The following GRM3 variants were observed in gnomAD, a reference collection of about 807,000 sequenced individuals.
The protein encoded by GRM3 is metabotropic glutamate receptor 3.
Under a neutral mutation model 70.5 loss-of-function variants are expected in GRM3, and 26 were observed. The ratio of observed to expected loss-of-function variants is 0.37; its 90% confidence interval spans 0.27 to 0.51. The LOEUF (loss-of-function observed/expected upper bound fraction) is 0.51. Ranked by LOEUF, GRM3 falls within the 20% of genes least tolerant of loss-of-function variation. The probability of loss-of-function intolerance (pLI) is 0.93; values close to 1 mark genes in which losing one functional copy is unlikely to be tolerated. For synonymous variants in GRM3, 443 were observed against 434.9 expected (o/e 1.02, Z -0.23); for missense variants, 859 against 1,123.8 (o/e 0.76, Z 3.37).
At chr7:86,829,131 C>T (rs888032079) in intron 3 of GRM3, among the ~76,000 whole-genome samples, 3 of 152,236 alleles carry the variant, frequency 2.0e-5, no homozygotes, top group African/African-American at 7.2e-5. Context: ...GCAGTGACTT[C>T]CTCCACTGAA....
chr7:86,696,804 A>G (rs1794829307), intron 1 of GRM3, among the ~76,000 whole-genome samples: 1 of 151,930 alleles, frequency 6.6e-6, no homozygotes, highest in South Asian at 2.1e-4. Context: ...TGCTTTCCCA[A>G]CTCTGTGCTA....
chr7:86,785,418 A>T (rs1241598627), intron 2 of GRM3, among the ~76,000 whole-genome samples: 1 of 152,168 alleles, frequency 6.6e-6, no homozygotes, highest in Non-Finnish European at 1.5e-5. Flanking sequence ...TTGATAGTCA[A>T]TTATAAAAAA....
At chr7:86,862,981 T>C (rs1798988589) in intron 5 of GRM3, among the ~76,000 whole-genome samples, 1 of 152,236 alleles carries the variant, frequency 6.6e-6, no homozygotes, top group Non-Finnish European at 1.5e-5. Context: ...GACAGATGGC[T>C]GGTCAATTTG....
chr7:86,837,087 A>G (rs1420118746), intron 3 of GRM3, among the ~76,000 whole-genome samples: 1 of 152,196 alleles, frequency 6.6e-6, no homozygotes, highest in Non-Finnish European at 1.5e-5. Context: ...TAACAAGAAC[A>G]CTACAAAGAA....
At position 86,751,911 on chromosome 7, in the gene GRM3, T is replaced by A. The variant is rs113019749; in HGVS notation, c.-140-13095T>A. Among the ~76,000 whole-genome samples, 12 of 152,252 alleles carry A rather than the reference T, an allele frequency of 7.9e-5. 3 individuals are homozygous for A. Among genetic ancestry groups the A allele is most frequent in the African/African-American group, 2.6e-4 (11 of 41,580 alleles). On this transcript the variant is annotated intron_variant, in intron 1 of 5. Coordinates refer to ENST00000361669, the MANE Select transcript of GRM3 (RefSeq NM_000840.3). ...GCCCACAGTTGCAAATTCATGTCAA[T>A]ACTCCTGTGACCTATTTGTTATATA...
At chr7:86,807,157 T>G in intron 3 of GRM3, among the ~76,000 whole-genome samples, 1 of 67,776 alleles carries the variant, frequency 1.5e-5, no homozygotes, top group East Asian at 2.3e-4. Context: ...AGCCTTGTAG[T>G]ACAGTTTGAA....
chr7:86,852,243 A>C (rs1217785152), intron 5 of GRM3, among the ~76,000 whole-genome samples: 1 of 152,174 alleles, frequency 6.6e-6, no homozygotes, highest in Non-Finnish European at 1.5e-5. Flanking sequence ...AAATTGTCTC[A>C]TTGCTAGCTC....
At chr7:86,794,683 T>C (rs1276527963) in intron 3 of GRM3, among the ~76,000 whole-genome samples, 2 of 152,170 alleles carry the variant, frequency 1.3e-5, no homozygotes, top group Non-Finnish European at 2.9e-5. Context: ...GCAGGCAAGG[T>C]TAGCTAGTCA....
At chr7:86,723,025 G>A (rs1200335115) in intron 1 of GRM3, among the ~76,000 whole-genome samples, 1 of 151,892 alleles carries the variant, frequency 6.6e-6, no homozygotes, top group Non-Finnish European at 1.5e-5. Flanking sequence ...AGCCCCAAAT[G>A]ATATAAATAT....
At position 86,765,430 on chromosome 7, in the gene GRM3, T is replaced by A; in HGVS notation, c.285T>A (p.Ile95=). ...CAGGAGTGAAGTTGGGTGTTCACATTTTGGATACATGTTCAAGGGATACCT... is the reference window on the plus strand; with the variant it reads ...CAGGAGTGAAGTTGGGTGTTCACATATTGGATACATGTTCAAGGGATACCT... ...LLPGVKLGVH[I]LDTCSRDTYA... is the part of the protein sequence containing the mutation. The change falls in exon 2 of 6, where the codon ATT becomes ATA. Residue 95 remains isoleucine (I), a synonymous_variant. Transcript: ENST00000361669. The A allele has an allele frequency of 6.2e-7, 1 of 1,613,920 alleles. No homozygotes were observed. Among genetic ancestry groups the A allele is most frequent in the East Asian group, 2.2e-5 (1 of 44,856 alleles).
At chr7:86,825,800 T>G (rs1003181644) in intron 3 of GRM3, among the ~76,000 whole-genome samples, 1 of 152,226 alleles carries the variant, frequency 6.6e-6, no homozygotes, top group Non-Finnish European at 1.5e-5. Context: ...GTGATTGCAT[T>G]CTTCAGAATA....
intron 2 of GRM3, among the ~76,000 whole-genome samples, chr7:86,778,153 T>C (rs1488049951): frequency 1.3e-5 from 2 of 152,216 alleles, no homozygotes; most frequent in African/African-American, 4.8e-5. Flanking sequence ...TCAAGTCTCC[T>C]GATTACAGGG....
chr7:86,667,201 A>T (rs1474666839), intron 1 of GRM3, among the ~76,000 whole-genome samples: 1 of 152,142 alleles, frequency 6.6e-6, no homozygotes, highest in Non-Finnish European at 1.5e-5. Flanking sequence ...GTACTTGCAC[A>T]TCTGACCTAA....
In GRM3 at chr7:86,839,057, C is replaced by A. The variant is rs1361178644; in HGVS notation, c.1543C>A (p.Pro515Thr). 6.2e-7 allele frequency: 1 copy of A among 1,614,026 alleles called. No individual in the cohort carries two copies. Among genetic ancestry groups the A allele is most frequent in the African/African-American group, 1.3e-5 (1 of 75,034 alleles). Reference sequence around the variant, plus strand: ...TTCCCAGTGCAGCGACCCCTGTGCCCCCAATGAAATGAAGAATATGCAACC... The same window carrying A: ...TTCCCAGTGCAGCGACCCCTGTGCCACCAATGAAATGAAGAATATGCAACC... Reference protein sequence around the residue: ...PTSQCSDPCAPNEMKNMQPGD... With the variant: ...PTSQCSDPCATNEMKNMQPGD... Residue 515 changes from proline to threonine, a missense_variant, in exon 4 of 6, where the codon CCC becomes ACC. Physicochemically the swap from Pro to Thr is conservative, Grantham distance 38. Coordinates refer to ENST00000361669, the MANE Select transcript of GRM3 (RefSeq NM_000840.3). This position sits in a 1 kb window ranked among gnomAD's most constrained non-coding sequence, Gnocchi z 4.5.
chr7:86,794,121 A>G (rs1365573055), intron 3 of GRM3, among the ~76,000 whole-genome samples: 1 of 152,106 alleles, frequency 6.6e-6, no homozygotes, highest in Non-Finnish European at 1.5e-5. Context: ...AGTTTACCTT[A>G]TCTATGTCCC....
intron 1 of GRM3, among the ~76,000 whole-genome samples, chr7:86,764,271 G>A (rs1267813771): frequency 3.3e-5 from 5 of 152,114 alleles, no homozygotes; most frequent in Admixed American, 2.0e-4. Flanking sequence ...TGGAATTTGA[G>A]ATGTTGTCAA....
chr7:86,764,984 C>A, intron 1 of GRM3, 22 bp from the exon 2 acceptor site: 6 of 1,427,444 alleles, frequency 4.2e-6, no homozygotes, highest in Non-Finnish European at 5.5e-6. Flanking sequence ...CATTTTTGTT[C>A]ATATAATTTT....
chr7:86,834,652 C>T lies in GRM3; in HGVS notation c.1325-4187C>T, dbSNP rs567610214. Among the ~76,000 whole-genome samples, 6 of 149,206 alleles carry T rather than the reference C, an allele frequency of 4.0e-5. 1 individual carries two copies. Among genetic ancestry groups the T allele is most frequent in the East Asian group, 2.0e-4 (1 of 5,086 alleles). On this transcript the variant is annotated intron_variant, in intron 3 of 5. Coordinates refer to ENST00000361669, the MANE Select transcript of GRM3 (RefSeq NM_000840.3). ...AATCAGTTTTATTGTTTGTTAAGTA[C>T]ACTAATTTTAAGAACTTTATATTCA...
intron 4 of GRM3, among the ~76,000 whole-genome samples, chr7:86,843,726 T>A (rs986024892): frequency 4.6e-5 from 7 of 152,208 alleles, no homozygotes; most frequent in African/African-American, 1.7e-4. Flanking sequence ...GTTATCAACA[T>A]AGGCAAGTCT....
Sources: gnomAD v4.1 joint callset for allele counts (sites outside exome capture counted in the v4.1 genomes callset) on GRCh38, gnomAD v4.1.1 for gene constraint, Gnocchi (gnomAD v3.1) non-coding constraint, MANE v1.5 for transcripts, NCBI Gene and HGNC (gene_info 2026-07-23, HGNC 2026-07-21) for gene names.